PLPP1: variants seen among roughly 807,000 people sequenced by gnomAD.
PLPP1 encodes the protein phospholipid phosphatase 1.
Under a neutral mutation model 31.2 loss-of-function variants are expected in PLPP1, and 24 were observed. The ratio of observed to expected loss-of-function variants is 0.77; its 90% CI spans 0.56 to 1.08. The LOEUF (loss-of-function observed/expected upper bound fraction) is 1.08, where lower values mean the gene tolerates loss of function less well. PLPP1 is among the 50% of genes least tolerant of loss of function. PLPP1 has a pLI of 0.00. For synonymous variants in PLPP1, 146 were observed against 126.3 expected (o/e 1.16, Z -1.05); for missense variants, 319 against 342.7 (o/e 0.93, Z 0.55).
chr5:55,431,113 CAAAA>C (rs1751337788), intron 4 of PLPP1, among the ~76,000 whole-genome samples: 1 of 152,012 alleles, frequency 6.6e-6, no homozygotes, highest in South Asian at 2.1e-4. Context: ...TCTCAGAAAA[CAAAA>C]ATAAAAGGGA....
At chr5:55,507,502 GGA>G (rs1338167021) in intron 1 of PLPP1, among the ~76,000 whole-genome samples, 2 of 152,130 alleles carry the variant, frequency 1.3e-5, no homozygotes, top group African/African-American at 4.8e-5. Context: ...AAGGGAGCAG[GGA>G]AAATGAAGGA....
At chr5:55,465,017 A>AT (rs1752255653) in intron 3 of PLPP1, among the ~76,000 whole-genome samples, 2 of 148,406 alleles carry the variant, frequency 1.3e-5, no homozygotes, top group African/African-American at 2.5e-5. Flanking sequence ...TTTAAATCCT[A>AT]TAAGTGTTTT....
chr5:55,476,299 G>A lies in PLPP1; in HGVS notation c.59-849C>T, dbSNP rs551648687. 1.2e-4 allele frequency among the ~76,000 whole-genome samples: 18 copies of A among 152,102 alleles called. No individual in the cohort carries two copies. The East Asian group carries it at 1.7e-3, about 15-fold the overall frequency. ...CCCAAAGTGCTGGGATTACAGACAT[G>A]AGCCATTGCACCCAGTCCTGAGCTT... is the stretch of plus-strand genomic sequence containing the variant. On this transcript the variant is annotated intron_variant, in intron 1 of 5. Transcript: ENST00000307259.
chr5:55,472,670 C>T (rs891063981), intron 2 of PLPP1, among the ~76,000 whole-genome samples: 1 of 119,540 alleles, frequency 8.4e-6, no homozygotes, highest in African/African-American at 3.1e-5. Context: ...GAGAGAGAGA[C>T]AGAAAGAGAG....
intron 1 of PLPP1, chr5:55,491,231 A>G: frequency 1.9e-6 from 2 of 1,042,480 alleles, no homozygotes; most frequent in Admixed American, 2.7e-5. Context: ...CTGGAGATGG[A>G]TCTCCATTAT....
chr5:55,514,387 C>A (rs2111919813), intron 1 of PLPP1, among the ~76,000 whole-genome samples: 1 of 59,236 alleles, frequency 1.7e-5, no homozygotes, highest in East Asian at 3.3e-4. Flanking sequence ...AAGACCTGGT[C>A]TCAAAAAAAA....
intron 3 of PLPP1, among the ~76,000 whole-genome samples, chr5:55,450,681 T>C (rs1751872672): frequency 6.6e-6 from 1 of 152,138 alleles, no homozygotes. Context: ...GGAAAATTCA[T>C]GACCTCATAC....
intron 1 of PLPP1, among the ~76,000 whole-genome samples, chr5:55,525,164 T>C (rs1753753582): frequency 1.3e-5 from 2 of 152,228 alleles, no homozygotes; most frequent in Non-Finnish European, 2.9e-5. Context: ...ACAAAACTAG[T>C]TGATGTTATT....
At chr5:55,488,823 G>A (rs2111845906) in intron 1 of PLPP1, among the ~76,000 whole-genome samples, 1 of 152,084 alleles carries the variant, frequency 6.6e-6, no homozygotes, top group South Asian at 2.1e-4. Context: ...TGGGCCAGGG[G>A]GCATGTTGCC....
chr5:55,444,742 T>TG (rs58595556), intron 3 of PLPP1, among the ~76,000 whole-genome samples: 125,088 of 148,062 alleles, frequency 0.84, 53,355 homozygotes, highest in South Asian at 0.91. Flanking sequence ...GGGATTCTAT[T>TG]TTGTGTGTGT....
intron 3 of PLPP1, among the ~76,000 whole-genome samples, chr5:55,464,311 C>T (rs1182958628): frequency 1.3e-5 from 2 of 151,324 alleles, no homozygotes; most frequent in East Asian, 3.9e-4. Flanking sequence ...CTGCAACCTC[C>T]ACCACACGGG....
chr5:55,475,006 T>A (rs1488652981), intron 2 of PLPP1, among the ~76,000 whole-genome samples: 1 of 152,068 alleles, frequency 6.6e-6, no homozygotes. Context: ...ACAGATGTGA[T>A]CATCACATAT....
intron 4 of PLPP1, among the ~76,000 whole-genome samples, chr5:55,439,765 G>A (rs905880456): frequency 6.6e-6 from 1 of 152,158 alleles, no homozygotes; most frequent in African/African-American, 2.4e-5. Context: ...TGGGTGTTTT[G>A]AGAAGGGTCA....
At chr5:55,530,476 C>G (rs1740624860) in intron 1 of PLPP1, 2 of 1,224,414 alleles carry the variant, frequency 1.6e-6, no homozygotes, top group African/African-American at 1.5e-5. Context: ...TCTGTGTTAT[C>G]AGATGTGGAT....
At chr5:55,514,628 C>G (rs1215399321) in intron 1 of PLPP1, among the ~76,000 whole-genome samples, 1 of 152,036 alleles carries the variant, frequency 6.6e-6, no homozygotes, top group Non-Finnish European at 1.5e-5. Context: ...AGGAAGTTAC[C>G]AAATTGGCAT....
intron 3 of PLPP1, among the ~76,000 whole-genome samples, chr5:55,443,234 C>T (rs1465338272): frequency 5.5e-4 from 68 of 124,686 alleles, no homozygotes; most frequent in African/African-American, 1.1e-3. Flanking sequence ...CACACACACA[C>T]ATATATATGA....
Position 55,425,031 on chromosome 5 carries a change from A to T in PLPP1, c.*175T>A. ...TTTTTAATGAGTTTAGAGCTATTAG[A>T]TAACCACTGAGTTAAAGGTAACTAT... On this transcript the variant is annotated 3_prime_UTR_variant, in exon 6 of 6. Transcript: ENST00000307259. The T allele has an allele frequency of 1.1e-6, 1 of 877,378 alleles. No individual in the cohort carries two copies. The highest frequency in any genetic ancestry group is 1.7e-6 in the Non-Finnish European group (1 of 576,176). The allele number at this position is 877,378 out of a possible 1,614,324, so 54.3% of individuals were successfully genotyped here.
chr5:55,427,256 T>C (rs1751226655), intron 4 of PLPP1, among the ~76,000 whole-genome samples: 1 of 152,192 alleles, frequency 6.6e-6, no homozygotes, highest in South Asian at 2.1e-4. Context: ...CTATTTAAAA[T>C]AGATGACACA....
chr5:55,453,856 G>A (rs556298354), intron 3 of PLPP1, among the ~76,000 whole-genome samples: 100 of 152,158 alleles, frequency 6.6e-4, no homozygotes, highest in African/African-American at 2.3e-3. Flanking sequence ...CAGGAGAATC[G>A]CTTGAACCCA....
Sources: gnomAD v4.1 joint callset for allele counts (sites outside exome capture counted in the v4.1 genomes callset) on GRCh38, gnomAD v4.1.1 for gene constraint, MANE v1.5 for transcripts, NCBI Gene and HGNC (gene_info 2026-07-23, HGNC 2026-07-21) for gene names.